IPO11: variants seen among roughly 807,000 people sequenced by gnomAD.
IPO11 encodes importin 11.
Under a neutral mutation model 143.2 loss-of-function variants are expected in IPO11, and 66 were observed. The observed-to-expected ratio is 0.46, with a 90% CI of 0.38 to 0.57. The LOEUF is 0.57. IPO11 is among the 20% of genes least tolerant of loss of function. IPO11 has a pLI of 0.00. For missense variants in IPO11, 1,026 were observed against 1,141.0 expected, an observed-to-expected ratio of 0.90 and a Z score of 1.45; for synonymous variants, 385 against 377.8, an observed-to-expected ratio of 1.02 and a Z score of -0.22.
At chr5:62,459,918 A>T (rs1397773049) in intron 5 of IPO11, among the ~76,000 whole-genome samples, 1 of 152,248 alleles carries the variant, frequency 6.6e-6, no homozygotes, top group Admixed American at 6.5e-5. Context: ...TTAAGAATAC[A>T]GGTGTTTTTA....
intron 27 of IPO11, among the ~76,000 whole-genome samples, chr5:62,578,402 T>G (rs182651704): frequency 9.0e-4 from 137 of 152,204 alleles, no homozygotes; most frequent in Middle Eastern, 3.4e-3. Context: ...TAACACAACA[T>G]AAATATTTTA....
At chr5:62,580,973 A>G in intron 27 of IPO11, 1 of 1,551,134 alleles carries the variant, frequency 6.4e-7, no homozygotes, top group Non-Finnish European at 8.7e-7. Context: ...ATGTCAGGGA[A>G]AACATCTCTA....
At chr5:62,598,503 TTTC>T (rs1745349271) in intron 28 of IPO11, among the ~76,000 whole-genome samples, 1 of 6,198 alleles carries the variant, frequency 1.6e-4, no homozygotes, top group African/African-American at 2.8e-3. Context: ...TCTTTCTTTC[TTTC>T]TTTCTTTCTT....
chr5:62,568,026 C>T (rs1744014145), intron 27 of IPO11, among the ~76,000 whole-genome samples: 1 of 151,934 alleles, frequency 6.6e-6, no homozygotes, highest in Non-Finnish European at 1.5e-5. Context: ...AGTGCAGTGG[C>T]ACAATCATGG....
In IPO11 at chr5:62,498,025, T is replaced by TG. The variant is rs935695042; in HGVS notation, c.1590+3901_1590+3902insG. The stretch of plus-strand genomic sequence containing the variant: ...TATCTCTACTTGAATATTGTTTTTT[T>TG]TTTTTGTTGTTGTTGTTGTTTCTTA... On this transcript the variant is annotated intron_variant, in intron 16 of 29. Transcript: ENST00000325324. 3.0e-4 allele frequency among the ~76,000 whole-genome samples: 45 copies of TG among 151,612 alleles called. 1 individual carries two copies. Among genetic ancestry groups the TG allele is most frequent in the African/African-American group, 1.0e-3 (41 of 40,908 alleles).
rs553926774 is a variant in IPO11, at chr5:62,542,054, TTTTA to T, written c.2250+4769_2250+4772del. Among the ~76,000 whole-genome samples, 376 of 152,130 alleles carry T rather than the reference TTTTA, an allele frequency of 2.5e-3. 1 individual carries two copies. The highest frequency in any genetic ancestry group is 8.5e-3 in the African/African-American group (353 of 41,548). ...AACATGACAAGACTGCATCTCTCTT[TTTTA>T]TTTCTTTTTATTTTTTTTATTTTTT... is the stretch of plus-strand genomic sequence containing the variant. On this transcript the variant is annotated intron_variant, in intron 24 of 29. Coordinates refer to ENST00000325324, the MANE Select transcript of IPO11 (RefSeq NM_016338.5).
At chr5:62,580,445 A>G in intron 27 of IPO11, 1 of 1,551,398 alleles carries the variant, frequency 6.4e-7, no homozygotes, top group Non-Finnish European at 8.7e-7. Context: ...TCATTTAATA[A>G]TCTTACAGCC....
intron 26 of IPO11, among the ~76,000 whole-genome samples, chr5:62,556,816 C>T (rs187767385): frequency 8.4e-4 from 128 of 152,208 alleles, no homozygotes; most frequent in African/African-American, 2.9e-3. Context: ...TTCCTTTCAT[C>T]GTCTTTCCAT....
chr5:62,438,607 C>T (rs190880979), intron 2 of IPO11, among the ~76,000 whole-genome samples: 1 of 151,964 alleles, frequency 6.6e-6, no homozygotes, highest in African/African-American at 2.4e-5. Context: ...ACAAAATTAG[C>T]CAGGTGTGGT....
At chr5:62,605,096 G>T (rs896418739) in intron 29 of IPO11, among the ~76,000 whole-genome samples, 3 of 152,070 alleles carry the variant, frequency 2.0e-5, no homozygotes, top group Non-Finnish European at 4.4e-5. Context: ...ATTAGCAAAG[G>T]CTTTTCTCAT....
At position 62,591,583 on chromosome 5, in the gene IPO11, C is replaced by A; in HGVS notation, c.2589C>A (p.Ile863=). 6.3e-7 allele frequency: 1 copy of A among 1,588,206 alleles called. No homozygotes were observed. The change falls in exon 28 of 30, where the codon ATC becomes ATA. Residue 863 remains isoleucine (I), a synonymous_variant. Transcript: ENST00000325324. Reference sequence around the variant, plus strand: ...TGCTTTTCTTTTATTCTAGTGTTATCCAAGATAAATTCTGTGGGATTATAA... The same window carrying A: ...TGCTTTTCTTTTATTCTAGTGTTATACAAGATAAATTCTGTGGGATTATAA... ...LSLLPSDNSV[I]QDKFCGIINI... is the part of the protein sequence containing the mutation.
At chr5:62,417,413 A>G (rs1743337880) in intron 1 of IPO11, among the ~76,000 whole-genome samples, 2 of 134,794 alleles carry the variant, frequency 1.5e-5, no homozygotes, top group Non-Finnish European at 3.0e-5. Context: ...CACCATTGAT[A>G]TCTTTGTTGC....
intron 20 of IPO11, among the ~76,000 whole-genome samples, chr5:62,523,513 A>C (rs892446206): frequency 7.2e-6 from 1 of 138,242 alleles, no homozygotes; most frequent in South Asian, 2.5e-4. Context: ...GGTCAAATAG[A>C]CTAGGAGACT....
At chr5:62,525,923 T>G (rs995350654) in intron 20 of IPO11, among the ~76,000 whole-genome samples, 1 of 152,208 alleles carries the variant, frequency 6.6e-6, no homozygotes, top group Non-Finnish European at 1.5e-5. Flanking sequence ...ACATATATAT[T>G]TTTTAAACTG....
chr5:62,506,104 G>A lies in IPO11; in HGVS notation c.1666-137G>A, dbSNP rs114189244. On this transcript the variant is annotated intron_variant, in intron 18 of 29. Transcript: ENST00000325324. ...GCTTGAACGATTTCAGGTTGTTTAG[G>A]TAATGCCAAGCTTTTGGCTGTTTAT... 1,438 of 515,978 alleles carry A rather than the reference G, an allele frequency of 2.8e-3. 18 individuals are homozygous for A. The highest frequency in any genetic ancestry group is 0.025 in the African/African-American group (1,306 of 52,710). The allele number at this position is 515,978 out of a possible 1,614,324, so 32.0% of individuals were successfully genotyped here. A position where few individuals can be genotyped will look rare whatever the true frequency, so the allele number is the denominator to read the frequency against.
chr5:62,423,534 T>C (rs985227732), intron 1 of IPO11, among the ~76,000 whole-genome samples: 9 of 152,222 alleles, frequency 5.9e-5, no homozygotes, highest in Non-Finnish European at 1.3e-4. Flanking sequence ...ATGTCTACCA[T>C]GAACAGCAAC....
chr5:62,458,549 C>A (rs1237542359), intron 5 of IPO11, among the ~76,000 whole-genome samples: 1 of 152,308 alleles, frequency 6.6e-6, no homozygotes, highest in Non-Finnish European at 1.5e-5. Flanking sequence ...GATCTGCCCG[C>A]CTTGACCTCC....
chr5:62,418,353 A>G (rs1005688604), intron 1 of IPO11, among the ~76,000 whole-genome samples: 2 of 151,910 alleles, frequency 1.3e-5, no homozygotes, highest in Non-Finnish European at 2.9e-5. Flanking sequence ...TTAGTAGAGT[A>G]TGTTGGTCAG....
chr5:62,613,598 T>C (rs772406684), intron 29 of IPO11, among the ~76,000 whole-genome samples: 5 of 152,136 alleles, frequency 3.3e-5, no homozygotes, highest in Non-Finnish European at 5.9e-5. Context: ...CCACCACGCC[T>C]GGCACACATG....
Sources: gnomAD v4.1 joint callset for allele counts (sites outside exome capture counted in the v4.1 genomes callset) on GRCh38, gnomAD v4.1.1 for gene constraint, MANE v1.5 for transcripts, NCBI Gene and HGNC (gene_info 2026-07-23, HGNC 2026-07-21) for gene names.